Variants in CARM1 observed in about 807,000 individuals in gnomAD.
The protein encoded by CARM1 is coactivator associated arginine methyltransferase 1.
CARM1 carries 14 observed loss-of-function variants against 72.7 expected under a neutral mutation model. That is an observed-to-expected ratio of 0.19 (90% confidence interval 0.13 to 0.30). The LOEUF is 0.30. Ranked by LOEUF, CARM1 falls within the 10% of genes least tolerant of loss-of-function variation. The pLI is 1.00. For missense variants in CARM1, 432 were observed against 833.7 expected (o/e 0.52, Z 5.93); for synonymous variants, 333 against 345.5 (o/e 0.96, Z 0.40).
intron 1 of CARM1, among the ~76,000 whole-genome samples, chr19:10,886,852 A>G (rs1188071601): frequency 1.3e-5 from 2 of 151,954 alleles, no homozygotes; most frequent in Non-Finnish European, 2.9e-5. Context: ...ATGGGGTCTC[A>G]ATATTTTGCC....
intron 1 of CARM1, among the ~76,000 whole-genome samples, chr19:10,874,617 C>A (rs1193395391): frequency 2.0e-5 from 3 of 152,100 alleles, no homozygotes; most frequent in African/African-American, 4.8e-5. Flanking sequence ...GTCTCAAACT[C>A]CTGGGCTCAA....
chr19:10,875,007 G>C (rs2073852035), intron 1 of CARM1, among the ~76,000 whole-genome samples: 1 of 150,284 alleles, frequency 6.7e-6, no homozygotes, highest in Non-Finnish European at 1.5e-5. Context: ...CTGGGTGACA[G>C]AGCAAGACCC....
chr19:10,899,138 C>T (rs1324874707), intron 1 of CARM1, among the ~76,000 whole-genome samples: 4 of 151,916 alleles, frequency 2.6e-5, no homozygotes, highest in Non-Finnish European at 4.4e-5. Flanking sequence ...CTGCCGGCTC[C>T]GCGGGCTTTA....
chr19:10,916,780 G>T lies in CARM1; in HGVS notation c.1020+3G>T. 6.5e-7 allele frequency: 1 copy of T among 1,546,912 alleles called. No individual in the cohort carries two copies. The highest frequency in any genetic ancestry group is 1.2e-5 in the South Asian group (1 of 83,866). On this transcript the variant is annotated splice_donor_region_variant and intron_variant, in intron 8 of 15. Coordinates refer to ENST00000327064, the MANE Select transcript of CARM1 (RefSeq NM_199141.2). The surrounding 1 kb of genome is among the most constrained non-coding windows in gnomAD (Gnocchi z 4.4). ...AGTATTTCCGGCAGCCTGTGGTGGT[G>T]AGTAGGGCCTCCAGGGTACTGCTGC...
chr19:10,874,352 C>T (rs1289908515), intron 1 of CARM1, among the ~76,000 whole-genome samples: 1 of 151,622 alleles, frequency 6.6e-6, no homozygotes. Flanking sequence ...TTTTTTTTTA[C>T]ACTTTTTTGT....
In CARM1 at chr19:10,920,704, C is replaced by T. The variant is rs113267516; in HGVS notation, c.1380C>T (p.Gly460=). The T allele has an allele frequency of 1.2e-6, 2 of 1,614,168 alleles. No individual in the cohort carries two copies. Among genetic ancestry groups the T allele is most frequent in the Non-Finnish European group, 1.7e-6 (2 of 1,180,018 alleles). The change falls in exon 12 of 16, where the codon GGC becomes GGT. Residue 460 remains glycine (G), a synonymous_variant. Coordinates refer to ENST00000327064, the MANE Select transcript of CARM1 (RefSeq NM_199141.2). The surrounding 1 kb of genome is among the most constrained non-coding windows in gnomAD (Gnocchi z 5.3). ...ISIVAQVDQT[G]SKSSNLLDLK... ...TTGTGGCCCAGGTGGACCAGACCGG[C>T]TCCAAGTCCAGTAACCTCCTGGATC... is the stretch of plus-strand genomic sequence containing the variant.
chr19:10,883,552 A>G (rs1438487590), intron 1 of CARM1, among the ~76,000 whole-genome samples: 1 of 152,072 alleles, frequency 6.6e-6, no homozygotes, highest in Non-Finnish European at 1.5e-5. Context: ...CGGCCCTGCC[A>G]CTTCTTTGTT....
chr19:10,895,785 G>A (rs1188154995), intron 1 of CARM1, among the ~76,000 whole-genome samples: 1 of 152,180 alleles, frequency 6.6e-6, no homozygotes, highest in African/African-American at 2.4e-5. Flanking sequence ...CCAGAGCCCT[G>A]GATCTGCGCT....
At chr19:10,898,766 C>T (rs1394645313) in intron 1 of CARM1, among the ~76,000 whole-genome samples, 2 of 152,224 alleles carry the variant, frequency 1.3e-5, no homozygotes, top group Non-Finnish European at 2.9e-5. Context: ...AGCCAGGAGA[C>T]AGGCTGTGCA....
chr19:10,921,023 C>A, intron 13 of CARM1, 27 bp from the exon 14 acceptor site: 1 of 1,612,616 alleles, frequency 6.2e-7, no homozygotes, highest in East Asian at 2.2e-5. Context: ...CTGCCTCCAG[C>A]CCTGACGTCT....
intron 2 of CARM1, among the ~76,000 whole-genome samples, chr19:10,906,705 T>TC (rs1374303567): frequency 2.6e-5 from 4 of 151,918 alleles, no homozygotes; most frequent in Admixed American, 1.3e-4. Flanking sequence ...CCTCAGGTAA[T>TC]CCGCCTGCCT....
intron 1 of CARM1, among the ~76,000 whole-genome samples, chr19:10,892,416 C>T (rs544176939): frequency 2.7e-4 from 41 of 152,208 alleles, no homozygotes; most frequent in Non-Finnish European, 4.3e-4. Context: ...GCCAGGGCTG[C>T]GCCAGAGGAG....
rs892362562 is a variant in CARM1, at chr19:10,922,471, G to GC, written c.*721dup. 1 of 84,924 alleles carries GC rather than the reference G, an allele frequency of 1.2e-5. No individual in the cohort carries two copies. The highest frequency in any genetic ancestry group is 4.2e-5 in the African/African-American group (1 of 23,716). The allele number at this position is 84,924 out of a possible 1,614,324, so 5.3% of individuals were successfully genotyped here. A position where few individuals can be genotyped will look rare whatever the true frequency, so the allele number is the denominator to read the frequency against. On this transcript the variant is annotated 3_prime_UTR_variant, in exon 16 of 16. Coordinates refer to ENST00000327064, the MANE Select transcript of CARM1 (RefSeq NM_199141.2). ...CCCGAGCCCCTGCAGGTCCCCCCCC[G>GC]CCCCCCCACTCAAGAGTTAGAGCAG...
Position 10,920,951 on chromosome 19 carries a change from G to A in CARM1, c.1537+5G>A. ...GCAGCGGGATGGCCGTGGCAGGTGAGCAGGGCCCACCCCAATGCCCAGCCA... is the reference window on the plus strand; with the variant it reads ...GCAGCGGGATGGCCGTGGCAGGTGAACAGGGCCCACCCCAATGCCCAGCCA... On this transcript the variant is annotated splice_donor_5th_base_variant and intron_variant, in intron 13 of 15. Transcript: ENST00000327064. This position sits in a 1 kb window ranked among gnomAD's most constrained non-coding sequence, Gnocchi z 5.3. 1.2e-6 allele frequency: 2 copies of A among 1,613,918 alleles called. No individual in the cohort carries two copies. Among genetic ancestry groups the A allele is most frequent in the Non-Finnish European group, 1.7e-6 (2 of 1,179,758 alleles).
intron 9 of CARM1, 40 bp downstream of exon 9, chr19:10,919,720 G>A (rs778080609): frequency 1.3e-6 from 2 of 1,585,652 alleles, no homozygotes; most frequent in East Asian, 2.2e-5. Flanking sequence ...GCCTGGCTCA[G>A]GCCGAAGGTC....
In CARM1 at chr19:10,920,375, A is replaced by C; in HGVS notation, c.1197-61A>C. 1 of 1,568,134 alleles carries C rather than the reference A, an allele frequency of 6.4e-7. No homozygotes were observed. Among genetic ancestry groups the C allele is most frequent in the Admixed American group, 1.8e-5 (1 of 56,850 alleles). On this transcript the variant is annotated intron_variant, in intron 10 of 15. Transcript: ENST00000327064. This position sits in a 1 kb window ranked among gnomAD's most constrained non-coding sequence, Gnocchi z 5.3. ...GCTTGGGGAGGACTCAAGGCATACA[A>C]GGTGGTGGCTCCAGTGGTGGCGCCG...
At chr19:10,913,543 GA>G (rs968913218) in intron 5 of CARM1, among the ~76,000 whole-genome samples, 6 of 145,848 alleles carry the variant, frequency 4.1e-5, no homozygotes, top group East Asian at 2.0e-4. Flanking sequence ...CTGTCTCAAA[GA>G]AAAAAAAAAT....
chr19:10,891,296 T>C (rs1348256960), intron 1 of CARM1, among the ~76,000 whole-genome samples: 2 of 152,096 alleles, frequency 1.3e-5, no homozygotes. Context: ...TTCTAGACAC[T>C]AAAGCTGAGG....
intron 1 of CARM1, among the ~76,000 whole-genome samples, chr19:10,889,269 C>T (rs1008575699): frequency 2.6e-5 from 4 of 152,064 alleles, no homozygotes; most frequent in Non-Finnish European, 5.9e-5. Context: ...TGCCTCTCAG[C>T]CCTGCCCATA....
Sources: gnomAD v4.1 joint callset for allele counts (sites outside exome capture counted in the v4.1 genomes callset) on GRCh38, gnomAD v4.1.1 for gene constraint, Gnocchi (gnomAD v3.1) non-coding constraint, MANE v1.5 for transcripts, NCBI Gene and HGNC (gene_info 2026-07-23, HGNC 2026-07-21) for gene names.